ROR1: variants seen among roughly 807,000 people sequenced by gnomAD.
The protein encoded by ROR1 is ROR family WNT receptor 1.
A neutral mutation model predicts 78.8 loss-of-function variants in ROR1; 19 were observed. That is an observed-to-expected ratio of 0.24 (90% confidence interval 0.17 to 0.35). The LOEUF is 0.35. Among genes scored for constraint, ROR1 ranks in the 10% least tolerant of loss-of-function variants. ROR1 has a pLI of 1.00. For synonymous variants in ROR1, 386 were observed against 433.6 expected (o/e 0.89, Z 1.36); for missense variants, 917 against 1,177.8 (o/e 0.78, Z 3.24).
intron 1 of ROR1, among the ~76,000 whole-genome samples, chr1:63,892,692 C>G (rs747942069): frequency 6.6e-6 from 1 of 152,146 alleles, no homozygotes; most frequent in South Asian, 2.1e-4. Flanking sequence ...TTGGGTTTGG[C>G]TAAGCTCTGC....
At chr1:63,865,468 C>T (rs889987177) in intron 1 of ROR1, among the ~76,000 whole-genome samples, 1 of 152,168 alleles carries the variant, frequency 6.6e-6, no homozygotes, top group Admixed American at 6.5e-5. Context: ...GCATTGCCCT[C>T]GACACAGGCT....
At chr1:64,053,661 C>T (rs1345949379) in intron 4 of ROR1, among the ~76,000 whole-genome samples, 2 of 152,104 alleles carry the variant, frequency 1.3e-5, no homozygotes, top group South Asian at 2.1e-4. Context: ...ACCTTTTTAA[C>T]GTTAAAATTT....
At chr1:63,961,414 A>G (rs910195782) in intron 1 of ROR1, among the ~76,000 whole-genome samples, 9 of 152,242 alleles carry the variant, frequency 5.9e-5, no homozygotes, top group Non-Finnish European at 1.3e-4. Flanking sequence ...TATTCACAGT[A>G]GTCATAATAT....
chr1:63,873,700 G>GT (rs900946121), intron 1 of ROR1, among the ~76,000 whole-genome samples: 15 of 151,554 alleles, frequency 9.9e-5, no homozygotes, highest in African/African-American at 2.4e-4. Context: ...TTTTTATTAT[G>GT]TTTTTTTTCC....
chr1:64,123,205 A>T (rs1648603824), intron 4 of ROR1, among the ~76,000 whole-genome samples: 1 of 152,220 alleles, frequency 6.6e-6, no homozygotes, highest in Non-Finnish European at 1.5e-5. Flanking sequence ...ACTGGTTAAT[A>T]GGCTACCTCT....
intron 1 of ROR1, among the ~76,000 whole-genome samples, chr1:63,944,964 A>G (rs1219257446): frequency 1.3e-5 from 2 of 152,298 alleles, no homozygotes; most frequent in East Asian, 3.9e-4. Context: ...GGGAAGTGTT[A>G]AAAAAATACC....
At chr1:63,796,330 G>T (rs1437116963) in intron 1 of ROR1, among the ~76,000 whole-genome samples, 1 of 152,140 alleles carries the variant, frequency 6.6e-6, no homozygotes, top group Non-Finnish European at 1.5e-5. Context: ...AATAAGGTTG[G>T]ACCAAGCCCT....
intron 8 of ROR1, among the ~76,000 whole-genome samples, chr1:64,169,428 A>G (rs1386981566): frequency 6.6e-6 from 1 of 152,178 alleles, no homozygotes; most frequent in Non-Finnish European, 1.5e-5. Flanking sequence ...TTATAGAACC[A>G]TCAGCTCTCA....
chr1:63,832,146 T>TA (rs1191540943), intron 1 of ROR1, among the ~76,000 whole-genome samples: 14 of 152,160 alleles, frequency 9.2e-5, no homozygotes, highest in African/African-American at 2.4e-4. Flanking sequence ...AGCATTTTGG[T>TA]AAAAATCATT....
chr1:64,072,252 G>A (rs868025178), intron 4 of ROR1, among the ~76,000 whole-genome samples: 1 of 152,172 alleles, frequency 6.6e-6, no homozygotes, highest in Non-Finnish European at 1.5e-5. Flanking sequence ...CATATGACAA[G>A]TCCTTGATAG....
intron 1 of ROR1, among the ~76,000 whole-genome samples, chr1:63,928,986 C>T (rs1393407289): frequency 2.0e-5 from 3 of 152,130 alleles, no homozygotes; most frequent in African/African-American, 7.2e-5. Flanking sequence ...GGAAATTTAA[C>T]CCAGCTGGGG....
At chr1:64,113,827 G>A (rs1204386991) in intron 4 of ROR1, 7 of 151,234 alleles carry the variant, frequency 4.6e-5, no homozygotes, top group African/African-American at 1.2e-4. Context: ...AAAAAAGAAA[G>A]CATAAAGTTT....
At chr1:63,843,416 G>A (rs1383450624) in intron 1 of ROR1, 1 of 743,564 alleles carries the variant, frequency 1.3e-6, no homozygotes, top group East Asian at 2.9e-5. Flanking sequence ...TGCTCTCCTT[G>A]GTCTCGTAGG....
chr1:64,070,696 T>G (rs1646996597), intron 4 of ROR1, among the ~76,000 whole-genome samples: 1 of 152,104 alleles, frequency 6.6e-6, no homozygotes, highest in Non-Finnish European at 1.5e-5. Context: ...ATTTGCTCAT[T>G]CAAAAAATAG....
rs530316446 is a variant in ROR1, at chr1:64,082,390, C to A, written c.482+31674C>A. Among the ~76,000 whole-genome samples the A allele has an allele frequency of 2.1e-4, 32 of 152,204 alleles. No individual in the cohort carries two copies. The South Asian group carries it at 6.6e-3, about 32-fold the overall frequency. ...TGGAAAAGCCAAATATTACTTAAAC[C>A]TCTCTAGTTTGGAATATGGAAGAAT... On this transcript the variant is annotated intron_variant, in intron 4 of 8. Transcript: ENST00000371079.
chr1:64,036,133 T>C (rs1189649147), intron 2 of ROR1, among the ~76,000 whole-genome samples: 1 of 152,142 alleles, frequency 6.6e-6, no homozygotes, highest in Non-Finnish European at 1.5e-5. Flanking sequence ...AACTGAAGAC[T>C]ATAGACAGGT....
At chr1:63,924,782 G>A (rs1181092651) in intron 1 of ROR1, among the ~76,000 whole-genome samples, 1 of 152,122 alleles carries the variant, frequency 6.6e-6, no homozygotes, top group Non-Finnish European at 1.5e-5. Flanking sequence ...GGAGCATTTT[G>A]TAGGAGGCCC....
chr1:64,123,264 C>T (rs1351773717), intron 4 of ROR1, among the ~76,000 whole-genome samples: 1 of 152,152 alleles, frequency 6.6e-6, no homozygotes, highest in African/African-American at 2.4e-5. Flanking sequence ...TAATCAAAGA[C>T]CAAAACAATG....
intron 1 of ROR1, among the ~76,000 whole-genome samples, chr1:63,796,344 TA>T (rs1209015385): frequency 2.0e-5 from 3 of 152,174 alleles, no homozygotes; most frequent in Admixed American, 1.3e-4. Context: ...AAGCCCTGTG[TA>T]GTGGCAGTGT....
Sources: allele counts gnomAD v4.1 joint callset (sites outside exome capture counted in the v4.1 genomes callset), GRCh38; gene constraint gnomAD v4.1.1; transcripts MANE v1.5; gene names NCBI Gene and HGNC (gene_info 2026-07-23, HGNC 2026-07-21).